The following BICD1 variants were observed in gnomAD, a reference collection of about 807,000 sequenced individuals.
BICD1 encodes BICD cargo adaptor 1.
A neutral mutation model predicts 92.5 loss-of-function variants in BICD1; 35 were observed. That is an observed-to-expected ratio of 0.38 (90% CI 0.29 to 0.50). The LOEUF (loss-of-function observed/expected upper bound fraction) is 0.50. Ranked by LOEUF, BICD1 falls within the 20% of genes least tolerant of loss-of-function variation. The pLI, the probability that BICD1 is intolerant of heterozygous loss-of-function variation, is 0.93. For missense variants in BICD1, 950 were observed against 1,189.8 expected, an observed-to-expected ratio of 0.80 and a Z score of 2.97; for synonymous variants, 429 against 465.1, an observed-to-expected ratio of 0.92 and a Z score of 1.00.
At chr12:32,115,228 A>C (rs1377064864) in intron 1 of BICD1, among the ~76,000 whole-genome samples, 1 of 152,218 alleles carries the variant, frequency 6.6e-6, no homozygotes, top group Non-Finnish European at 1.5e-5. Context: ...TTTTTATTGC[A>C]GTACTCCAAG....
At chr12:32,365,204 T>C (rs776132349) in intron 8 of BICD1, among the ~76,000 whole-genome samples, 1 of 152,150 alleles carries the variant, frequency 6.6e-6, no homozygotes, top group Non-Finnish European at 1.5e-5. Context: ...GCCATTGCAC[T>C]CCAGCCTGGG....
chr12:32,180,748 T>C, intron 1 of BICD1, among the ~76,000 whole-genome samples: 1 of 152,012 alleles, frequency 6.6e-6, no homozygotes, highest in East Asian at 1.9e-4. Flanking sequence ...TTGTTAATAA[T>C]AAAAGCTAGC....
chr12:32,194,231 T>A (rs1944659271), intron 1 of BICD1, among the ~76,000 whole-genome samples: 1 of 152,098 alleles, frequency 6.6e-6, no homozygotes, highest in Non-Finnish European at 1.5e-5. Context: ...TATGACAAGC[T>A]CACAACTAAC....
intron 4 of BICD1, among the ~76,000 whole-genome samples, chr12:32,327,089 G>A (rs1359472172): frequency 1.3e-5 from 2 of 152,114 alleles, no homozygotes; most frequent in Admixed American, 1.3e-4. Context: ...AAAAGCAGAT[G>A]TACTCTAAGG....
chr12:32,305,614 T>C, intron 3 of BICD1, 83 bp from the exon 4 acceptor site: 1 of 1,237,734 alleles, frequency 8.1e-7, no homozygotes, highest in Non-Finnish European at 1.1e-6. Flanking sequence ...TGTTAAGTGA[T>C]TAGGTCCACT....
chr12:32,377,916 G>A lies in BICD1; in HGVS notation c.*289G>A. Reference sequence around the variant, plus strand: ...AAGAAACAGAAAACGTGTCTCAGATGGCTGGCTTTACCTCGATAGCATAAG... The same window carrying A: ...AAGAAACAGAAAACGTGTCTCAGATAGCTGGCTTTACCTCGATAGCATAAG... On this transcript the variant is annotated 3_prime_UTR_variant, in exon 10 of 10. Coordinates refer to ENST00000652176, the MANE Select transcript of BICD1 (RefSeq NM_001714.4). 1 of 307,640 alleles carries A rather than the reference G, an allele frequency of 3.3e-6. No individual in the cohort carries two copies. Among genetic ancestry groups the A allele is most frequent in the Non-Finnish European group, 6.1e-6 (1 of 162,726 alleles). 19.1% of individuals were successfully genotyped at this position (307,640 alleles called of 1,614,324 possible). A position where few individuals can be genotyped will look rare whatever the true frequency, so the allele number is the denominator to read the frequency against.
chr12:32,111,599 T>C (rs1323558979), intron 1 of BICD1, among the ~76,000 whole-genome samples: 1 of 152,134 alleles, frequency 6.6e-6, no homozygotes, highest in Non-Finnish European at 1.5e-5. Flanking sequence ...ATTGTTTTTA[T>C]TTTTTTATTT....
chr12:32,346,657 T>C (rs2467118), intron 8 of BICD1, among the ~76,000 whole-genome samples: 7,823 of 13,688 alleles, frequency 0.57, 2,652 homozygotes, highest in Middle Eastern at 0.67. Context: ...TATATATATA[T>C]ACACACACAC....
At chr12:32,318,464 C>T (rs1040426700) in intron 4 of BICD1, among the ~76,000 whole-genome samples, 2 of 152,020 alleles carry the variant, frequency 1.3e-5, no homozygotes, top group African/African-American at 4.8e-5. Flanking sequence ...ATTTTATTCT[C>T]TTTGAAGCAA....
At chr12:32,184,131 C>T (rs1029972581) in intron 1 of BICD1, among the ~76,000 whole-genome samples, 1 of 152,114 alleles carries the variant, frequency 6.6e-6, no homozygotes, top group African/African-American at 2.4e-5. Context: ...ATTTAGGGCA[C>T]TGTGAAGTGT....
intron 8 of BICD1, among the ~76,000 whole-genome samples, chr12:32,349,263 A>G (rs1938765310): frequency 6.6e-6 from 1 of 152,202 alleles, no homozygotes; most frequent in African/African-American, 2.4e-5. Context: ...CCCCACTGTA[A>G]CTACATAACA....
At chr12:32,192,601 T>C (rs1944608751) in intron 1 of BICD1, among the ~76,000 whole-genome samples, 1 of 152,172 alleles carries the variant, frequency 6.6e-6, no homozygotes, top group African/African-American at 2.4e-5. Context: ...CTTTCTTCAG[T>C]TCTATGAAGA....
chr12:32,309,876 C>T (rs1449359276), intron 4 of BICD1, among the ~76,000 whole-genome samples: 1 of 152,078 alleles, frequency 6.6e-6, no homozygotes, highest in Non-Finnish European at 1.5e-5. Context: ...GTGTGCTGCA[C>T]CCATTAACTC....
Position 32,107,107 on chromosome 12 carries a change from C to A in BICD1, c.-225C>A. The A allele has an allele frequency of 1.8e-6, 1 of 563,270 alleles. No homozygotes were observed. The highest frequency in any genetic ancestry group is 3.2e-6 in the Non-Finnish European group (1 of 316,054). The allele number at this position is 563,270 out of a possible 1,614,324, so 34.9% of individuals were successfully genotyped here. On this transcript the variant is annotated 5_prime_UTR_variant, in exon 1 of 10. It adds an upstream start codon to the 5' untranslated region. Transcript: ENST00000652176. ...TGCGGCGGCCTTTGCCGCCTCGCCC[C>A]TGACCCTCTGCCCTGTTCTCCATGT... is the stretch of plus-strand genomic sequence containing the variant.
chr12:32,160,131 T>C (rs1943557901), intron 1 of BICD1, among the ~76,000 whole-genome samples: 1 of 152,182 alleles, frequency 6.6e-6, no homozygotes, highest in African/African-American at 2.4e-5. Context: ...TACTTAGTAT[T>C]CAGCAAATGG....
At chr12:32,302,931 C>CTT (rs572736411) in intron 3 of BICD1, among the ~76,000 whole-genome samples, 28 of 57,576 alleles carry the variant, frequency 4.9e-4, no homozygotes, top group African/African-American at 7.0e-4. Flanking sequence ...TAATGTATTT[C>CTT]TTTTTTTTTT....
intron 2 of BICD1, among the ~76,000 whole-genome samples, chr12:32,288,212 A>G (rs948660167): frequency 5.6e-5 from 8 of 143,644 alleles, no homozygotes; most frequent in African/African-American, 1.3e-4. Context: ...CCTGTCACCT[A>G]CCAAGTCCTA....
At chr12:32,282,202 CTTTTTTT>C (rs56217529) in intron 2 of BICD1, among the ~76,000 whole-genome samples, 109 of 94,198 alleles carry the variant, frequency 1.2e-3, no homozygotes, top group African/African-American at 4.2e-3. Context: ...AGGTCTTCTT[CTTTTTTT>C]TTTTTTTTTT....
chr12:32,227,272 AC>A (rs1430907437), intron 2 of BICD1: 1 of 152,408 alleles, frequency 6.6e-6, no homozygotes, highest in Non-Finnish European at 1.5e-5. Context: ...GTTGCTGGTA[AC>A]TTTACAGTCA....
Sources: allele counts gnomAD v4.1 joint callset (sites outside exome capture counted in the v4.1 genomes callset), GRCh38; gene constraint gnomAD v4.1.1; transcripts MANE v1.5; gene names NCBI Gene and HGNC (gene_info 2026-07-23, HGNC 2026-07-21).